Variants in ANAPC1 observed in about 807,000 individuals in gnomAD.
ANAPC1 encodes anaphase-promoting complex subunit 1.
Under a neutral mutation model 208.0 loss-of-function variants are expected in ANAPC1, and 36 were observed. The observed-to-expected ratio is 0.17, with a 90% confidence interval of 0.13 to 0.23. The LOEUF is 0.23. ANAPC1 is among the 10% of genes least tolerant of loss of function. ANAPC1 has a pLI of 1.00. For synonymous variants in ANAPC1, 378 were observed against 695.2 expected, an observed-to-expected ratio of 0.54 and a Z score of 7.18; for missense variants, 942 against 2,011.6, an observed-to-expected ratio of 0.47 and a Z score of 10.17.
chr2:111,785,528 A>C (rs1248432069), intron 39 of ANAPC1, 51 bp from the exon 40 acceptor site: 1 of 1,139,422 alleles, frequency 8.8e-7, no homozygotes, highest in African/African-American at 1.5e-5. Flanking sequence ...TGACAATATG[A>C]GCTCTGCAAT....
chr2:111,883,667 G>A (rs1229137552), intron 1 of ANAPC1, among the ~76,000 whole-genome samples: 1 of 152,178 alleles, frequency 6.6e-6, no homozygotes, highest in African/African-American at 2.4e-5. Flanking sequence ...CAGAGGGGCT[G>A]GAGGCCAGTC....
chr2:111,823,639 C>T (rs1328090814), intron 24 of ANAPC1, among the ~76,000 whole-genome samples: 1 of 151,948 alleles, frequency 6.6e-6, no homozygotes, highest in Non-Finnish European at 1.5e-5. Context: ...CTACATGAGT[C>T]GACATGGATG....
At chr2:111,878,690 C>T (rs369381543) in intron 3 of ANAPC1, 120 bp downstream of exon 3, 15 of 1,304,658 alleles carry the variant, frequency 1.1e-5, no homozygotes, top group Admixed American at 5.2e-5. Flanking sequence ...CATGTTACAA[C>T]GTACACCCAG....
chr2:111,870,337 G>C (rs937215044), intron 6 of ANAPC1, among the ~76,000 whole-genome samples: 1 of 152,170 alleles, frequency 6.6e-6, no homozygotes, highest in Non-Finnish European at 1.5e-5. Context: ...CCCACCAGCA[G>C]TGTATAAGCA....
chr2:111,832,676 T>C (rs1391718357), intron 20 of ANAPC1, among the ~76,000 whole-genome samples: 1 of 152,142 alleles, frequency 6.6e-6, no homozygotes, highest in East Asian at 1.9e-4. Flanking sequence ...ACGCCTGTAA[T>C]CCCAGCACTT....
chr2:111,873,902 A>T (rs1682893800), intron 3 of ANAPC1, among the ~76,000 whole-genome samples: 1 of 152,056 alleles, frequency 6.6e-6, no homozygotes, highest in Non-Finnish European at 1.5e-5. Flanking sequence ...ATCCATAGGA[A>T]TTAAAATTTT....
chr2:111,770,347 GA>G (rs1183511645), intron 47 of ANAPC1, among the ~76,000 whole-genome samples: 1 of 135,216 alleles, frequency 7.4e-6, no homozygotes, highest in Admixed American at 7.4e-5. Flanking sequence ...AGCCTGGCCT[GA>G]AAAGAAGTCT....
At chr2:111,802,346 A>G in intron 33 of ANAPC1, 82 bp downstream of exon 33, 2 of 1,223,894 alleles carry the variant, frequency 1.6e-6, no homozygotes, top group Non-Finnish European at 2.4e-6. Flanking sequence ...TACAGGCGTA[A>G]GCCACTGTGC....
rs771587559 is a variant in ANAPC1 at position 111,863,661 on chromosome 2, G to C, written c.1052+14C>G. 4.5e-5 allele frequency: 72 copies of C among 1,605,490 alleles called. No individual in the cohort carries two copies. The highest frequency in any genetic ancestry group is 6.0e-5 in the Non-Finnish European group (71 of 1,176,004). Reference sequence around the variant, plus strand: ...ACAGAAAGCTTAGAAAGAAAAACCAGGAAACCCTTATACCTTAGAGCTGCC... The same window carrying C: ...ACAGAAAGCTTAGAAAGAAAAACCACGAAACCCTTATACCTTAGAGCTGCC... On this transcript the variant is annotated intron_variant, in intron 9 of 47. Coordinates refer to ENST00000341068, the MANE Select transcript of ANAPC1 (RefSeq NM_022662.4).
intron 13 of ANAPC1, among the ~76,000 whole-genome samples, chr2:111,851,595 A>G (rs1430831421): frequency 6.6e-6 from 1 of 151,850 alleles, no homozygotes; most frequent in Non-Finnish European, 1.5e-5. Flanking sequence ...TCACAAGGTC[A>G]GGAGTTCAAG....
chr2:111,881,008 C>G, intron 1 of ANAPC1, 159 bp from the exon 2 acceptor site: 1 of 614,064 alleles, frequency 1.6e-6, no homozygotes, highest in South Asian at 2.1e-5. Flanking sequence ...CATTCTAGAT[C>G]TGATTCAGAC....
chr2:111,829,584 C>T (rs1390111317), intron 21 of ANAPC1, among the ~76,000 whole-genome samples: 1 of 152,054 alleles, frequency 6.6e-6, no homozygotes, highest in African/African-American at 2.4e-5. Flanking sequence ...ACCGTTACAG[C>T]CCTATGGTTC....
chr2:111,847,689 C>T, intron 15 of ANAPC1, 36 bp downstream of exon 15: 5 of 1,348,726 alleles, frequency 3.7e-6, no homozygotes, highest in Non-Finnish European at 4.9e-6. Context: ...AAATGCCAGC[C>T]CACTTCTTGG....
chr2:111,832,769 A>G (rs1486206231), intron 20 of ANAPC1, among the ~76,000 whole-genome samples: 1 of 151,772 alleles, frequency 6.6e-6, no homozygotes, highest in Non-Finnish European at 1.5e-5. Context: ...CTCTAATAAC[A>G]ATACAGAAAA....
At chr2:111,770,926 T>C (rs1299739371) in intron 47 of ANAPC1, 2 of 152,940 alleles carry the variant, frequency 1.3e-5, no homozygotes, top group East Asian at 3.9e-4. Flanking sequence ...TATTATTATG[T>C]TTCGTAATTT....
intron 13 of ANAPC1, 101 bp from the exon 14 acceptor site, chr2:111,851,011 T>C: frequency 1.5e-6 from 2 of 1,377,116 alleles, no homozygotes; most frequent in Non-Finnish European, 1.9e-6. Flanking sequence ...TCTTTTGATA[T>C]TTCTAAGTTT....
At chr2:111,788,376 A>C in intron 38 of ANAPC1, 56 bp from the exon 39 acceptor site, 1 of 1,594,718 alleles carries the variant, frequency 6.3e-7, no homozygotes, top group Non-Finnish European at 8.6e-7. Context: ...ACATACTTTC[A>C]AGGCATTCTT....
chr2:111,846,542 T>TAC (rs1681076049), intron 16 of ANAPC1, among the ~76,000 whole-genome samples: 1 of 53,232 alleles, frequency 1.9e-5, no homozygotes, highest in Admixed American at 1.8e-4. Flanking sequence ...TACATATATA[T>TAC]ATATATATAT....
chr2:111,864,672 G>A, intron 8 of ANAPC1, 134 bp downstream of exon 8: 1 of 1,447,968 alleles, frequency 6.9e-7, no homozygotes, highest in Non-Finnish European at 9.3e-7. Context: ...ATGTTGGCCA[G>A]GCTGGTCTTG....
Sources: gnomAD v4.1 joint callset for allele counts (sites outside exome capture counted in the v4.1 genomes callset) on GRCh38, gnomAD v4.1.1 for gene constraint, MANE v1.5 for transcripts, NCBI Gene and HGNC (gene_info 2026-07-23, HGNC 2026-07-21) for gene names.